RORA: variants seen among roughly 807,000 people sequenced by gnomAD.
RORA encodes RAR related orphan receptor A.
RORA carries 7 observed loss-of-function variants against 69.5 expected under a neutral mutation model. The observed-to-expected ratio is 0.10, with a 90% confidence interval of 0.06 to 0.19. The LOEUF (loss-of-function observed/expected upper bound fraction) is 0.19, where lower values mean the gene tolerates loss of function less well. RORA is among the 10% of genes least tolerant of loss of function. RORA has a pLI of 1.00. For synonymous variants in RORA, 261 were observed against 240.8 expected, an observed-to-expected ratio of 1.08 and a Z score of -0.78; for missense variants, 457 against 663.0, an observed-to-expected ratio of 0.69 and a Z score of 3.41.
At chr15:60,650,243 C>T (rs1230340156) in intron 2 of RORA, among the ~76,000 whole-genome samples, 1 of 151,356 alleles carries the variant, frequency 6.6e-6, no homozygotes, top group Non-Finnish European at 1.5e-5. Flanking sequence ...ACAAAACAAA[C>T]AAATATTCAG....
chr15:61,053,334 G>A (rs2078041231), intron 1 of RORA, among the ~76,000 whole-genome samples: 1 of 151,760 alleles, frequency 6.6e-6, no homozygotes, highest in South Asian at 2.1e-4. Context: ...AGACTCCATG[G>A]TAGCCTACTG....
chr15:60,514,541 C>A, intron 4 of RORA, 75 bp downstream of exon 4: 2 of 1,428,084 alleles, frequency 1.4e-6, no homozygotes, highest in Non-Finnish European at 9.8e-7. Context: ...CAGATATTGG[C>A]AGATCTGAGT....
At chr15:60,542,869 C>CCA (rs1373860790) in intron 2 of RORA, among the ~76,000 whole-genome samples, 1 of 149,606 alleles carries the variant, frequency 6.7e-6, no homozygotes. Context: ...TACATACAGT[C>CCA]CACACACACA....
chr15:60,644,998 T>C (rs1596092082), intron 2 of RORA, among the ~76,000 whole-genome samples: 1 of 152,196 alleles, frequency 6.6e-6, no homozygotes, highest in East Asian at 1.9e-4. Context: ...GAGTCATCTA[T>C]AGAATAAATA....
chr15:60,903,361 G>A (rs961971993), intron 1 of RORA, among the ~76,000 whole-genome samples: 2 of 152,152 alleles, frequency 1.3e-5, no homozygotes, highest in South Asian at 2.1e-4. Context: ...AGACCAGCAG[G>A]ATCTGTTGTT....
chr15:60,714,167 C>G (rs964040672), intron 1 of RORA, among the ~76,000 whole-genome samples: 33 of 152,128 alleles, frequency 2.2e-4, no homozygotes, highest in Middle Eastern at 6.8e-3. Context: ...AATTCTCCTG[C>G]CTCAGCCTCC....
intron 1 of RORA, among the ~76,000 whole-genome samples, chr15:60,831,357 CTG>C (rs2073039473): frequency 6.6e-6 from 1 of 152,114 alleles, no homozygotes; most frequent in African/African-American, 2.4e-5. Context: ...GTGGTCACAC[CTG>C]TGTCCTCTGG....
chr15:60,888,562 C>T (rs1404318551), intron 1 of RORA, among the ~76,000 whole-genome samples: 4 of 152,156 alleles, frequency 2.6e-5, no homozygotes, highest in Admixed American at 1.3e-4. Flanking sequence ...ATTATGTTTC[C>T]GCAACTGAAT....
chr15:60,539,191 G>A (rs773916484), intron 2 of RORA, among the ~76,000 whole-genome samples: 1 of 152,214 alleles, frequency 6.6e-6, no homozygotes, highest in Non-Finnish European at 1.5e-5. Context: ...AGAAAGCTGA[G>A]CTGTGTGTGC....
intron 2 of RORA, among the ~76,000 whole-genome samples, chr15:60,636,606 T>C (rs2069844740): frequency 6.6e-6 from 1 of 152,222 alleles, no homozygotes; most frequent in African/African-American, 2.4e-5. Flanking sequence ...TGGCTCTTTT[T>C]TGTTTTTGTA....
chr15:60,497,711 T>C, intron 10 of RORA, 92 bp from the exon 11 acceptor site: 4 of 1,070,436 alleles, frequency 3.7e-6, no homozygotes, highest in Non-Finnish European at 5.6e-6. Flanking sequence ...ACATTGTTTA[T>C]AATGGTGAAA....
At chr15:61,108,688 C>T (rs904365145) in intron 1 of RORA, among the ~76,000 whole-genome samples, 2 of 152,176 alleles carry the variant, frequency 1.3e-5, no homozygotes, top group Non-Finnish European at 2.9e-5. Flanking sequence ...TTGAGGAAAA[C>T]ATGCTGGCTA....
intron 1 of RORA, among the ~76,000 whole-genome samples, chr15:61,042,346 AG>A (rs1391582101): frequency 9.9e-5 from 15 of 152,166 alleles, no homozygotes; most frequent in South Asian, 6.2e-4. Context: ...CAAGATGGCA[AG>A]GGTGCCTGGT....
intron 1 of RORA, among the ~76,000 whole-genome samples, chr15:60,870,507 G>A (rs367886898): frequency 4.6e-5 from 7 of 152,192 alleles, no homozygotes; most frequent in East Asian, 1.9e-4. Flanking sequence ...TAGTGAGAGT[G>A]GCGACAACCA....
intron 1 of RORA, among the ~76,000 whole-genome samples, chr15:60,914,352 T>C (rs12148149): frequency 0.52 from 78,616 of 151,914 alleles, 21,627 homozygotes; most frequent in Middle Eastern, 0.63. Flanking sequence ...CCACAGAGAA[T>C]GAATTCATTA....
At chr15:60,875,725 A>G (rs567400219) in intron 1 of RORA, among the ~76,000 whole-genome samples, 3 of 152,176 alleles carry the variant, frequency 2.0e-5, no homozygotes, top group Non-Finnish European at 2.9e-5. Flanking sequence ...ACCAGTGGAA[A>G]TCACCCAGGA....
chr15:60,959,438 C>T (rs1893355411), intron 1 of RORA, among the ~76,000 whole-genome samples: 1 of 152,166 alleles, frequency 6.6e-6, no homozygotes, highest in Admixed American at 6.5e-5. Flanking sequence ...ATGTCTTTAT[C>T]TTTAAACTAA....
At chr15:60,914,637 G>C (rs571344945) in intron 1 of RORA, among the ~76,000 whole-genome samples, 9 of 152,028 alleles carry the variant, frequency 5.9e-5, no homozygotes, top group Admixed American at 3.3e-4. Flanking sequence ...TTCTTTAACT[G>C]TGCACTAAAA....
chr15:61,074,879 G>A (rs896410338), intron 1 of RORA, among the ~76,000 whole-genome samples: 12 of 152,028 alleles, frequency 7.9e-5, no homozygotes, highest in South Asian at 2.1e-4. Context: ...TTGGGGTCAC[G>A]AGTTTGAGTC....
Sources: allele counts gnomAD v4.1 joint callset (sites outside exome capture counted in the v4.1 genomes callset), GRCh38; gene constraint gnomAD v4.1.1; transcripts MANE v1.5; gene names NCBI Gene and HGNC (gene_info 2026-07-23, HGNC 2026-07-21).